TTC27: variants seen among roughly 807,000 people sequenced by gnomAD.
TTC27 encodes tetratricopeptide repeat protein 27.
A neutral mutation model predicts 115.9 loss-of-function variants in TTC27; 79 were observed. The ratio of observed to expected loss-of-function variants is 0.68; its 90% CI spans 0.57 to 0.82. TTC27 has a LOEUF of 0.82. Among genes scored for constraint, TTC27 ranks in the 40% least tolerant of loss-of-function variants. TTC27 has a pLI of 0.00. For synonymous variants in TTC27, 401 were observed against 356.0 expected (o/e 1.13, Z -1.42); for missense variants, 1,054 against 993.1 (o/e 1.06, Z -0.82).
At chr2:32,772,872 C>A (rs978572505) in intron 13 of TTC27, among the ~76,000 whole-genome samples, 1 of 152,114 alleles carries the variant, frequency 6.6e-6, no homozygotes, top group Non-Finnish European at 1.5e-5. Flanking sequence ...CTGGAGAACT[C>A]AGGAATTTTA....
intron 3 of TTC27, chr2:32,635,181 T>A (rs906062319): frequency 1.3e-5 from 2 of 152,266 alleles, no homozygotes; most frequent in Non-Finnish European, 2.9e-5. Context: ...ATAGAGGGTC[T>A]GGCTAGTATG....
At chr2:32,652,799 A>G (rs541488737) in intron 5 of TTC27, among the ~76,000 whole-genome samples, 1 of 152,278 alleles carries the variant, frequency 6.6e-6, no homozygotes, top group South Asian at 2.1e-4. Flanking sequence ...AGAGAAGGGT[A>G]TTATATTTGA....
Position 32,779,860 on chromosome 2 carries a change from A to T in TTC27, c.1779+1880A>T, listed in dbSNP as rs535253549. 2.0e-5 allele frequency among the ~76,000 whole-genome samples: 3 copies of T among 152,298 alleles called. No homozygotes were observed. The East Asian group carries it at 5.8e-4, about 29-fold the overall frequency. ...AAGGGGTCCAACTTCATTCTTTTACATGTAGATATCCAGTTGTCTCAAAAC... is the reference window on the plus strand; with the variant it reads ...AAGGGGTCCAACTTCATTCTTTTACTTGTAGATATCCAGTTGTCTCAAAAC... On this transcript the variant is annotated intron_variant, in intron 14 of 19. Coordinates refer to ENST00000317907, the MANE Select transcript of TTC27 (RefSeq NM_017735.5).
chr2:32,630,762 C>G (rs1572454683), intron 2 of TTC27, 62 bp downstream of exon 2: 12 of 1,456,634 alleles, frequency 8.2e-6, no homozygotes, highest in Non-Finnish European at 1.0e-5. Context: ...AGCACCTTGA[C>G]AGGGTAAGGC....
rs541537423 is a variant in TTC27 at position 32,775,492 on chromosome 2, C to G, written c.1681-2390C>G. ...GGATTACAGGTGTGAGCCACTTTGC[C>G]CGGCCACACATGTGGTTCTTATAAC... On this transcript the variant is annotated intron_variant, in intron 13 of 19. Transcript: ENST00000317907. Among the ~76,000 whole-genome samples the G allele has an allele frequency of 3.7e-4, 56 of 152,270 alleles. No individual in the cohort carries two copies. The South Asian group carries it at 0.012, about 32-fold the overall frequency.
chr2:32,644,330 G>A (rs1046204334), intron 4 of TTC27, among the ~76,000 whole-genome samples: 1 of 149,926 alleles, frequency 6.7e-6, no homozygotes, highest in East Asian at 2.0e-4. Context: ...CAGCCGAGGC[G>A]ACAGAGTGAG....
chr2:32,734,172 T>C (rs1427510274), intron 11 of TTC27, among the ~76,000 whole-genome samples: 1 of 152,190 alleles, frequency 6.6e-6, no homozygotes, highest in Non-Finnish European at 1.5e-5. Flanking sequence ...AATAATAGAA[T>C]CATAAATGCT....
intron 9 of TTC27, among the ~76,000 whole-genome samples, chr2:32,700,378 C>T (rs1220473609): frequency 1.3e-5 from 2 of 152,096 alleles, no homozygotes; most frequent in African/African-American, 2.4e-5. Flanking sequence ...CACTGTTTTA[C>T]AGAGCCTTTT....
At chr2:32,751,616 T>C (rs1031494413) in intron 12 of TTC27, among the ~76,000 whole-genome samples, 7 of 152,162 alleles carry the variant, frequency 4.6e-5, no homozygotes, top group Non-Finnish European at 1.0e-4. Flanking sequence ...ATCGTGATGA[T>C]GTTTTGAGTC....
chr2:32,688,013 G>A (rs1201948633), intron 9 of TTC27, among the ~76,000 whole-genome samples: 1 of 152,114 alleles, frequency 6.6e-6, no homozygotes, highest in East Asian at 1.9e-4. Flanking sequence ...TATGGTAAGT[G>A]CAGCAAGACC....
At chr2:32,682,841 A>ATTTTTTTTTTTTTT (rs1559204114) in intron 9 of TTC27, among the ~76,000 whole-genome samples, 2 of 77,504 alleles carry the variant, frequency 2.6e-5, no homozygotes, top group Non-Finnish European at 4.5e-5. Flanking sequence ...GATAATTTTT[A>ATTTTTTTTTTTTTT]TTGTTGTTTT....
At chr2:32,652,395 A>AAAAAT (rs971537592) in intron 5 of TTC27, among the ~76,000 whole-genome samples, 1 of 151,914 alleles carries the variant, frequency 6.6e-6, no homozygotes, top group African/African-American at 2.4e-5. Context: ...ATAAATAAAT[A>AAAAAT]AAAATAAAAT....
At chr2:32,791,688 C>G (rs1373381895) in intron 16 of TTC27, among the ~76,000 whole-genome samples, 3 of 151,992 alleles carry the variant, frequency 2.0e-5, no homozygotes, top group Non-Finnish European at 4.4e-5. Flanking sequence ...CTATACCTAA[C>G]AAAGGTTTTT....
chr2:32,663,261 C>T (rs922928022), intron 5 of TTC27, among the ~76,000 whole-genome samples: 15 of 152,182 alleles, frequency 9.9e-5, no homozygotes, highest in African/African-American at 3.6e-4. Context: ...TCTGCCCAAA[C>T]GGCTGCCCAG....
intron 16 of TTC27, among the ~76,000 whole-genome samples, chr2:32,795,169 C>T (rs891532520): frequency 6.6e-6 from 1 of 150,994 alleles, no homozygotes; most frequent in African/African-American, 2.4e-5. Flanking sequence ...AGACCAAAAT[C>T]TCTTATGAAT....
At position 32,631,062 on chromosome 2, in the gene TTC27, C is replaced by T. The variant is rs369561900; in HGVS notation, c.266+362C>T. On this transcript the variant is annotated intron_variant, in intron 2 of 19. Coordinates refer to ENST00000317907, the MANE Select transcript of TTC27 (RefSeq NM_017735.5). The stretch of plus-strand genomic sequence containing the variant: ...TTCACGCCTGTAGTCCCAGTGCTTT[C>T]GGAGGCCGAGGCGGGCGGATCACAT... Among the ~76,000 whole-genome samples, 8 of 152,198 alleles carry T rather than the reference C, an allele frequency of 5.3e-5. No individual in the cohort carries two copies. The South Asian group carries it at 6.2e-4, about 12-fold the overall frequency.
chr2:32,762,650 T>C lies in TTC27; in HGVS notation c.1680+4131T>C, dbSNP rs187008689. Reference sequence around the variant, plus strand: ...TGGGTTTTTTTTTTTGTTTTGTTTTTTGAGATGGAGTCTCGCTCTGTCACC... The same window carrying C: ...TGGGTTTTTTTTTTTGTTTTGTTTTCTGAGATGGAGTCTCGCTCTGTCACC... On this transcript the variant is annotated intron_variant, in intron 13 of 19. Transcript: ENST00000317907. Among the ~76,000 whole-genome samples the C allele has an allele frequency of 1.8e-4, 28 of 152,086 alleles. No individual in the cohort carries two copies. The East Asian group carries it at 4.8e-3, about 26-fold the overall frequency.
intron 16 of TTC27, among the ~76,000 whole-genome samples, chr2:32,803,564 A>G (rs1012736202): frequency 1.3e-5 from 2 of 152,206 alleles, no homozygotes; most frequent in Non-Finnish European, 2.9e-5. Context: ...GTTTTACTGT[A>G]CTTTTTCAGA....
chr2:32,650,010 A>T, intron 4 of TTC27, 121 bp from the exon 5 acceptor site: 1 of 751,704 alleles, frequency 1.3e-6, no homozygotes, highest in Non-Finnish European at 2.2e-6. Flanking sequence ...GTGGATGGGT[A>T]ATCTTATTGA....
Sources: allele counts gnomAD v4.1 joint callset (sites outside exome capture counted in the v4.1 genomes callset), GRCh38; gene constraint gnomAD v4.1.1; transcripts MANE v1.5; gene names NCBI Gene and HGNC (gene_info 2026-07-23, HGNC 2026-07-21).